PRKCE: variants seen among roughly 807,000 people sequenced by gnomAD.
The protein encoded by PRKCE is protein kinase C epsilon.
A neutral mutation model predicts 85.4 loss-of-function variants in PRKCE; 16 were observed. The ratio of observed to expected loss-of-function variants is 0.19; its 90% CI spans 0.13 to 0.28. The LOEUF is 0.28. PRKCE is among the 10% of genes least tolerant of loss of function. The pLI, the probability that PRKCE is intolerant of heterozygous loss-of-function variation, is 1.00. For missense variants in PRKCE, 573 were observed against 975.2 expected, an observed-to-expected ratio of 0.59 and a Z score of 5.49; for synonymous variants, 388 against 371.5, an observed-to-expected ratio of 1.04 and a Z score of -0.51.
At chr2:46,083,486 G>GAAAT (rs1423981018) in intron 10 of PRKCE, among the ~76,000 whole-genome samples, 1 of 152,166 alleles carries the variant, frequency 6.6e-6, no homozygotes, top group Non-Finnish European at 1.5e-5. Context: ...CACAGTCAAG[G>GAAAT]AAATACTCCA....
chr2:45,653,928 A>T (rs1675263715), intron 1 of PRKCE, among the ~76,000 whole-genome samples: 1 of 152,232 alleles, frequency 6.6e-6, no homozygotes, highest in Non-Finnish European at 1.5e-5. Context: ...GCTCCCACTC[A>T]TTCCCCATTT....
chr2:45,661,620 C>T (rs1245982597), intron 1 of PRKCE, among the ~76,000 whole-genome samples: 1 of 150,452 alleles, frequency 6.6e-6, no homozygotes, highest in African/African-American at 2.4e-5. Flanking sequence ...GCTCCGCCTC[C>T]CGGGTTCACA....
intron 1 of PRKCE, among the ~76,000 whole-genome samples, chr2:45,667,839 G>A (rs528028578): frequency 4.6e-5 from 7 of 152,004 alleles, no homozygotes; most frequent in Non-Finnish European, 1.0e-4. Context: ...CACCAGATAT[G>A]GAACCAAGTG....
At chr2:45,992,577 A>T (rs1703891851) in intron 6 of PRKCE, among the ~76,000 whole-genome samples, 1 of 152,170 alleles carries the variant, frequency 6.6e-6, no homozygotes, top group Non-Finnish European at 1.5e-5. Flanking sequence ...CATGACTGGA[A>T]CCTGTTATGA....
intron 10 of PRKCE, among the ~76,000 whole-genome samples, chr2:46,079,483 C>T (rs934366342): frequency 6.6e-6 from 1 of 152,138 alleles, no homozygotes; most frequent in Non-Finnish European, 1.5e-5. Context: ...CCAGGAAAGA[C>T]CTGTTGAATT....
At chr2:45,931,442 A>G (rs897983446) in intron 2 of PRKCE, among the ~76,000 whole-genome samples, 3 of 152,164 alleles carry the variant, frequency 2.0e-5, no homozygotes, top group Non-Finnish European at 2.9e-5. Context: ...TGCTCTAACA[A>G]CACTTTCTGG....
intron 1 of PRKCE, among the ~76,000 whole-genome samples, chr2:45,694,443 G>A (rs892573244): frequency 2.0e-5 from 3 of 152,170 alleles, no homozygotes; most frequent in African/African-American, 7.2e-5. Context: ...TTTATTGGGT[G>A]CCAAAGGTTT....
chr2:45,845,808 T>G (rs558846136), intron 2 of PRKCE: 2 of 152,330 alleles, frequency 1.3e-5, no homozygotes, highest in African/African-American at 2.4e-5. Context: ...GTGTTTTGGC[T>G]AAACCAGCCA....
At chr2:45,829,889 C>T (rs986312881) in intron 1 of PRKCE, among the ~76,000 whole-genome samples, 14 of 151,572 alleles carry the variant, frequency 9.2e-5, no homozygotes, top group Middle Eastern at 3.4e-3. Context: ...CTGGCTAACA[C>T]GGTGAAACCC....
intron 6 of PRKCE, among the ~76,000 whole-genome samples, chr2:45,994,755 C>G (rs1000159380): frequency 6.6e-6 from 1 of 152,130 alleles, no homozygotes; most frequent in Non-Finnish European, 1.5e-5. Context: ...CATCCATGTG[C>G]GGGTTTTTAT....
In PRKCE at chr2:45,798,764, T is replaced by G. The variant is rs1687628516; in HGVS notation, c.349-44236T>G. ...GTATATGGGCCATGCTCAACAGAAG[T>G]GGCTTTTTTTTTTTTACCTGTTTTC... On this transcript the variant is annotated intron_variant, in intron 1 of 14. Transcript: ENST00000306156. Among the ~76,000 whole-genome samples the G allele has an allele frequency of 3.2e-5, 4 of 126,026 alleles. No individual in the cohort carries two copies. The South Asian group carries it at 9.7e-4, about 31-fold the overall frequency. The allele number at this position is 126,026 out of a possible 152,430, so 82.7% of individuals were successfully genotyped here. A position where few individuals can be genotyped will look rare whatever the true frequency, so the allele number is the denominator to read the frequency against.
chr2:46,101,838 G>A (rs1402976510), intron 11 of PRKCE, among the ~76,000 whole-genome samples: 2 of 137,856 alleles, frequency 1.5e-5, no homozygotes, highest in Non-Finnish European at 3.0e-5. Flanking sequence ...TTTTGGTGGT[G>A]TATGCTGATA....
intron 1 of PRKCE, chr2:45,700,633 C>T (rs1171051680): frequency 6.6e-6 from 1 of 152,120 alleles, no homozygotes; most frequent in African/African-American, 2.4e-5. Context: ...TTGAGGTCAT[C>T]ACCCTCTCAC....
chr2:46,016,950 A>T (rs1558964404), intron 10 of PRKCE, among the ~76,000 whole-genome samples: 1 of 151,038 alleles, frequency 6.6e-6, no homozygotes, highest in Non-Finnish European at 1.5e-5. Context: ...CCTGACTTAG[A>T]TCAGCCATTT....
intron 11 of PRKCE, among the ~76,000 whole-genome samples, chr2:46,116,622 C>T (rs562130226): frequency 6.6e-6 from 1 of 152,084 alleles, no homozygotes; most frequent in Non-Finnish European, 1.5e-5. Context: ...GTCTGTGTAG[C>T]CTTCATTTGC....
At chr2:46,086,965 C>T (rs1434629829) in intron 11 of PRKCE, among the ~76,000 whole-genome samples, 7 of 152,108 alleles carry the variant, frequency 4.6e-5, no homozygotes, top group Admixed American at 1.3e-4. Flanking sequence ...CACACATGCA[C>T]GCGCACACTG....
At chr2:46,048,847 T>A (rs1378353353) in intron 10 of PRKCE, among the ~76,000 whole-genome samples, 1 of 152,204 alleles carries the variant, frequency 6.6e-6, no homozygotes, top group Non-Finnish European at 1.5e-5. Context: ...TCAGTGTGAC[T>A]CTTGCCCTCC....
intron 10 of PRKCE, chr2:46,010,753 G>A: frequency 6.3e-7 from 1 of 1,598,138 alleles, no homozygotes; most frequent in Non-Finnish European, 8.5e-7. Context: ...TTTGCAGCCA[G>A]AGTTGGACAA....
chr2:45,881,139 C>T (rs1352442521), intron 2 of PRKCE, among the ~76,000 whole-genome samples: 4 of 127,866 alleles, frequency 3.1e-5, no homozygotes, highest in African/African-American at 1.3e-4. Flanking sequence ...GGCGACAGAG[C>T]GAGACTCCGT....
Sources: gnomAD v4.1 joint callset for allele counts (sites outside exome capture counted in the v4.1 genomes callset) on GRCh38, gnomAD v4.1.1 for gene constraint, MANE v1.5 for transcripts, NCBI Gene and HGNC (gene_info 2026-07-23, HGNC 2026-07-21) for gene names.